The following CSMD2 variants were observed in gnomAD, a reference collection of about 807,000 sequenced individuals.
CSMD2 encodes CUB and Sushi multiple domains 2.
A neutral mutation model predicts 398.5 loss-of-function variants in CSMD2; 130 were observed. The observed-to-expected ratio is 0.33, with a 90% CI of 0.28 to 0.38. The LOEUF (loss-of-function observed/expected upper bound fraction) is 0.38, where lower values mean the gene tolerates loss of function less well. Ranked by LOEUF, CSMD2 falls within the 10% of genes least tolerant of loss-of-function variation. The pLI is 1.00. For synonymous variants in CSMD2, 1,828 were observed against 1,908.5 expected (o/e 0.96, Z 1.10); for missense variants, 3,829 against 4,764.9 (o/e 0.80, Z 5.78).
chr1:34,125,085 C>T lies in CSMD2; in HGVS notation c.188-35892G>A, dbSNP rs540028947. On this transcript the variant is annotated intron_variant, in intron 1 of 70. Coordinates refer to ENST00000373381, the MANE Select transcript of CSMD2 (RefSeq NM_001281956.2). ...TCCAGCTAACGTAATTAGAATAGAGCCAGGCCAGACCAAATAAAGAAGGCC... is the reference window on the plus strand; with the variant it reads ...TCCAGCTAACGTAATTAGAATAGAGTCAGGCCAGACCAAATAAAGAAGGCC... 7.2e-5 allele frequency among the ~76,000 whole-genome samples: 11 copies of T among 152,266 alleles called. No homozygotes were observed. The South Asian group carries it at 2.3e-3, about 32-fold the overall frequency.
intron 38 of CSMD2, 33 bp downstream of exon 38, chr1:33,617,466 C>A (rs756217415): frequency 6.5e-7 from 1 of 1,533,598 alleles, no homozygotes; most frequent in Non-Finnish European, 9.0e-7. Flanking sequence ...CAGGGGACAC[C>A]TGTTTCCTGC....
intron 9 of CSMD2, among the ~76,000 whole-genome samples, chr1:33,811,859 C>A (rs1417777792): frequency 6.6e-6 from 1 of 152,210 alleles, no homozygotes; most frequent in African/African-American, 2.4e-5. Flanking sequence ...GCCCACATGG[C>A]AATTTATCCT....
At chr1:33,806,243 T>C (rs143139871) in intron 10 of CSMD2, among the ~76,000 whole-genome samples, 15 of 152,336 alleles carry the variant, frequency 9.8e-5, no homozygotes, top group South Asian at 2.1e-4. Flanking sequence ...TGACTGTTTA[T>C]CTTAGACCTT....
intron 5 of CSMD2, chr1:33,885,468 G>A (rs769495473): frequency 6.6e-6 from 1 of 152,158 alleles, no homozygotes; most frequent in Non-Finnish European, 1.5e-5. Context: ...ATTTAATTCA[G>A]TGCAGTTATT....
intron 44 of CSMD2, among the ~76,000 whole-genome samples, chr1:33,596,015 C>G (rs761487970): frequency 6.6e-6 from 1 of 152,218 alleles, no homozygotes; most frequent in African/African-American, 2.4e-5. Context: ...CACACTGATA[C>G]ATCCAATTCA....
At position 33,536,284 on chromosome 1, in the gene CSMD2, T is replaced by C. The variant is rs545028241; in HGVS notation, c.9879+738A>G. On this transcript the variant is annotated intron_variant, in intron 62 of 70. Transcript: ENST00000373381. The stretch of plus-strand genomic sequence containing the variant: ...TGTTGCCCAGGCTGGAGTGCAGTGG[T>C]GCGATCTTGGCTCACTGCAAGCTCC... Among the ~76,000 whole-genome samples the C allele has an allele frequency of 6.4e-4, 98 of 152,276 alleles. 1 individual carries two copies. Among genetic ancestry groups the C allele is most frequent in the African/African-American group, 2.1e-3 (88 of 41,550 alleles).
chr1:33,735,901 G>A (rs1283108253), intron 15 of CSMD2, among the ~76,000 whole-genome samples: 2 of 152,220 alleles, frequency 1.3e-5, no homozygotes, highest in Non-Finnish European at 2.9e-5. Context: ...CAGACAAAAG[G>A]AGGGAGAGGA....
At chr1:34,083,856 T>C (rs1189233346) in intron 2 of CSMD2, among the ~76,000 whole-genome samples, 1 of 152,054 alleles carries the variant, frequency 6.6e-6, no homozygotes, top group African/African-American at 2.4e-5. Context: ...GAGACAGAGA[T>C]TGCAGTGAGC....
chr1:33,988,458 C>T (rs1403277564), intron 3 of CSMD2, among the ~76,000 whole-genome samples: 1 of 152,234 alleles, frequency 6.6e-6, no homozygotes, highest in African/African-American at 2.4e-5. Flanking sequence ...GGTCTCTGCT[C>T]AAACGCTGTC....
At chr1:34,044,123 T>C (rs114273834) in intron 2 of CSMD2, among the ~76,000 whole-genome samples, 2,101 of 152,258 alleles carry the variant, frequency 0.014, 50 homozygotes, top group African/African-American at 0.048. Context: ...CTATGAGTCC[T>C]AATAAATCAT....
intron 42 of CSMD2, among the ~76,000 whole-genome samples, chr1:33,603,401 G>C (rs1220052331): frequency 6.6e-6 from 1 of 152,150 alleles, no homozygotes; most frequent in Non-Finnish European, 1.5e-5. Flanking sequence ...CAAACACCAT[G>C]GTCCAGAATA....
rs202029488 is a variant in CSMD2 at position 33,577,346 on chromosome 1, C to T, written c.7526G>A (p.Arg2509Gln). 2.0e-5 allele frequency: 32 copies of T among 1,613,968 alleles called. No individual in the cohort carries two copies. In the Middle Eastern group the frequency reaches 6.6e-4, roughly 34 times the overall value. Reference sequence around the variant, plus strand: ...CCACAGGTGGTAGCCCTGGGGGTGCCGGGTACAGATGGCCATGCTGTGTCC... The same window carrying T: ...CCACAGGTGGTAGCCCTGGGGGTGCTGGGTACAGATGGCCATGCTGTGTCC... ...LVGHSMAICT[R>Q]HPQGYHLWSE... The change falls in exon 49 of 71, where the codon CGG becomes CAG. Residue 2509 changes from arginine (R) to glutamine (Q), a missense_variant. Arg to Gln is a conservative substitution (Grantham distance 43). Coordinates refer to ENST00000373381, the MANE Select transcript of CSMD2 (RefSeq NM_001281956.2).
At chr1:33,590,659 A>G (rs1285887510) in intron 44 of CSMD2, among the ~76,000 whole-genome samples, 1 of 147,916 alleles carries the variant, frequency 6.8e-6, no homozygotes, top group South Asian at 2.2e-4. Context: ...CATTGATGGT[A>G]TCCCACTGTA....
At chr1:33,638,751 TTAGC>T (rs1215540843) in intron 29 of CSMD2, among the ~76,000 whole-genome samples, 1 of 152,210 alleles carries the variant, frequency 6.6e-6, no homozygotes, top group Non-Finnish European at 1.5e-5. Context: ...CTTTCAGGAC[TTAGC>T]TCAATTTCTC....
intron 40 of CSMD2, among the ~76,000 whole-genome samples, chr1:33,611,813 C>G (rs6658225): frequency 0.22 from 33,495 of 152,090 alleles, 4,415 homozygotes; most frequent in African/African-American, 0.37. Flanking sequence ...TTAAATAAAT[C>G]TAATTAAGTT....
rs1471950143 is a variant in CSMD2 at position 33,582,506 on chromosome 1, A to G, written c.7240+1136T>C. ...TCATTTCCCAAGAGGCTGGGTCCCT[A>G]TGAAAAAAGACCCCGCACAATGACA... On this transcript the variant is annotated intron_variant, in intron 47 of 70. Coordinates refer to ENST00000373381, the MANE Select transcript of CSMD2 (RefSeq NM_001281956.2). Among the ~76,000 whole-genome samples, 3 of 152,232 alleles carry G rather than the reference A, an allele frequency of 2.0e-5. 1 individual carries two copies. The highest frequency in any genetic ancestry group is 7.2e-5 in the African/African-American group (3 of 41,460).
At chr1:33,623,284 C>T in intron 36 of CSMD2, 86 bp downstream of exon 36, 1 of 918,812 alleles carries the variant, frequency 1.1e-6, no homozygotes, top group Non-Finnish European at 1.8e-6. Flanking sequence ...AGTGATATCT[C>T]AATAATAATA....
At chr1:34,109,907 G>A (rs1365854068) in intron 1 of CSMD2, among the ~76,000 whole-genome samples, 3 of 151,794 alleles carry the variant, frequency 2.0e-5, no homozygotes, top group Non-Finnish European at 4.4e-5. Context: ...CGGGCGTGGT[G>A]GTGTGCGCCT....
At chr1:33,613,672 C>T (rs575131069) in intron 40 of CSMD2, among the ~76,000 whole-genome samples, 50 of 152,298 alleles carry the variant, frequency 3.3e-4, no homozygotes, top group African/African-American at 1.2e-3. Context: ...CTGAGGCTCA[C>T]AGACTGGCAT....
Sources: gnomAD v4.1 joint callset for allele counts (sites outside exome capture counted in the v4.1 genomes callset) on GRCh38, gnomAD v4.1.1 for gene constraint, MANE v1.5 for transcripts, NCBI Gene and HGNC (gene_info 2026-07-23, HGNC 2026-07-21) for gene names.